Variants in WDTC1 observed in about 807,000 individuals in gnomAD.
WDTC1 encodes WD and tetratricopeptide repeats protein 1.
In WDTC1, 12 loss-of-function variants were observed where a neutral mutation model predicts 76.0. The ratio of observed to expected loss-of-function variants is 0.16; its 90% CI spans 0.10 to 0.26. The LOEUF (loss-of-function observed/expected upper bound fraction) is 0.26. Among genes scored for constraint, WDTC1 ranks in the 10% least tolerant of loss-of-function variants. WDTC1 has a pLI of 1.00. For missense variants in WDTC1, 511 were observed against 908.8 expected (o/e 0.56, Z 5.63); for synonymous variants, 326 against 350.8 (o/e 0.93, Z 0.79).
intron 1 of WDTC1, among the ~76,000 whole-genome samples, chr1:27,244,483 A>T (rs998328875): frequency 6.6e-6 from 1 of 152,136 alleles, no homozygotes; most frequent in Non-Finnish European, 1.5e-5. Context: ...CTAGGACTAC[A>T]GGAGTGTGCC....
intron 6 of WDTC1, among the ~76,000 whole-genome samples, chr1:27,289,073 G>T (rs2147972277): frequency 6.8e-6 from 1 of 146,686 alleles, no homozygotes; most frequent in South Asian, 2.1e-4. Context: ...GGCTGGCCGG[G>T]CAGGGGGCTG....
intron 6 of WDTC1, among the ~76,000 whole-genome samples, chr1:27,289,133 C>T (rs2013443472): frequency 6.7e-6 from 1 of 148,672 alleles, no homozygotes; most frequent in African/African-American, 2.5e-5. Context: ...CAGAGGGGCT[C>T]CTCACTTCCC....
Position 27,287,572 on chromosome 1 carries a change from T to C in WDTC1, c.292-102T>C. 3 of 1,324,214 alleles carry C rather than the reference T, an allele frequency of 2.3e-6. No individual in the cohort carries two copies. The South Asian group carries it at 4.3e-5, about 19-fold the overall frequency. 82.0% of individuals were successfully genotyped at this position (1,324,214 alleles called of 1,614,324 possible). A position where few individuals can be genotyped will look rare whatever the true frequency, so the allele number is the denominator to read the frequency against. ...CAGCCTGCATGGGCTCATTCTCTTATCTGACATGGAGAGAGAAAAGGGTGC... is the reference window on the plus strand; with the variant it reads ...CAGCCTGCATGGGCTCATTCTCTTACCTGACATGGAGAGAGAAAAGGGTGC... On this transcript the variant is annotated intron_variant, in intron 5 of 15. Coordinates refer to ENST00000319394, the MANE Select transcript of WDTC1 (RefSeq NM_001276252.2).
At position 27,234,862 on chromosome 1, in the gene WDTC1, C is replaced by T. The variant is rs1255455137; in HGVS notation, c.-189C>T. 1.8e-5 allele frequency: 7 copies of T among 396,464 alleles called. No homozygotes were observed. The East Asian group carries it at 2.5e-4, about 14-fold the overall frequency. The allele number at this position is 396,464 out of a possible 1,614,324, so 24.6% of individuals were successfully genotyped here. ...CCCAGCCCCCTCCCCGGGATCCGCG[C>T]CCCCCTTCCCGGGAGAGGGGCCGCC... On this transcript the variant is annotated 5_prime_UTR_variant, in exon 1 of 16. Coordinates refer to ENST00000319394, the MANE Select transcript of WDTC1 (RefSeq NM_001276252.2).
chr1:27,271,192 C>T (rs1434516382), intron 3 of WDTC1, among the ~76,000 whole-genome samples: 1 of 151,910 alleles, frequency 6.6e-6, no homozygotes, highest in Non-Finnish European at 1.5e-5. Flanking sequence ...TTCTGTGGAC[C>T]TTTTTGTAGT....
rs746459519 is a variant in WDTC1 at position 27,298,153 on chromosome 1, A to G, written c.1232+42A>G. On this transcript the variant is annotated intron_variant, in intron 12 of 15. Transcript: ENST00000319394. The stretch of plus-strand genomic sequence containing the variant: ...GAGGGGATCTGGGTCAGGATGAGGG[A>G]GAAAGCAGCTGGACCAAAAGGCAGG... 7 of 1,519,496 alleles carry G rather than the reference A, an allele frequency of 4.6e-6. No individual in the cohort carries two copies. The South Asian group carries it at 6.3e-5, about 14-fold the overall frequency. The allele number at this position is 1,519,496 out of a possible 1,614,324, so 94.1% of individuals were successfully genotyped here.
intron 1 of WDTC1, among the ~76,000 whole-genome samples, chr1:27,259,858 A>C (rs1173329837): frequency 7.4e-6 from 1 of 135,666 alleles, no homozygotes; most frequent in Non-Finnish European, 1.6e-5. Flanking sequence ...CCATCTCTAC[A>C]AAAAAAAAAA....
Position 27,292,096 on chromosome 1 carries a change from AT to A in WDTC1, c.480-116del, listed in dbSNP as rs1242270422. Reference sequence around the variant, plus strand: ...AATGGGAGTTGTTTTTGACATTCTTATTTAGAAACAGGTCCAAAGTCCCTCC... The same window carrying A: ...AATGGGAGTTGTTTTTGACATTCTTATTAGAAACAGGTCCAAAGTCCCTCC... On this transcript the variant is annotated intron_variant, in intron 6 of 15. Transcript: ENST00000319394. 6 of 1,093,448 alleles carry A rather than the reference AT, an allele frequency of 5.5e-6. No homozygotes were observed. In the East Asian group the frequency reaches 1.6e-4, roughly 30 times the overall value. The allele number at this position is 1,093,448 out of a possible 1,614,324, so 67.7% of individuals were successfully genotyped here.
intron 3 of WDTC1, among the ~76,000 whole-genome samples, chr1:27,267,092 G>A (rs1250647567): frequency 6.6e-6 from 1 of 152,088 alleles, no homozygotes; most frequent in African/African-American, 2.4e-5. Context: ...AATCTGGTCT[G>A]ATTTTTACTT....
At chr1:27,272,052 C>T in intron 3 of WDTC1, among the ~76,000 whole-genome samples, 1 of 150,764 alleles carries the variant, frequency 6.6e-6, no homozygotes. Flanking sequence ...TCGAGACCAG[C>T]CTGGCCAACA....
intron 1 of WDTC1, among the ~76,000 whole-genome samples, chr1:27,260,385 G>A (rs2012439563): frequency 6.6e-6 from 1 of 152,222 alleles, no homozygotes; most frequent in Non-Finnish European, 1.5e-5. Context: ...GATTACAGGT[G>A]TGAGCCACCG....
Position 27,306,129 on chromosome 1 carries a change from A to G in WDTC1, c.1837-57A>G. ...TTCCCTCCCCCTCCCCTATACGTGT[A>G]CCCTGGTGCCTCTCCCTCCCTGAGC... is the stretch of plus-strand genomic sequence containing the variant. On this transcript the variant is annotated intron_variant, in intron 15 of 15. Coordinates refer to ENST00000319394, the MANE Select transcript of WDTC1 (RefSeq NM_001276252.2). The surrounding 1 kb of genome is among the most constrained non-coding windows in gnomAD (Gnocchi z 5.0). The G allele has an allele frequency of 1.3e-6, 2 of 1,599,214 alleles. No individual in the cohort carries two copies. Among genetic ancestry groups the G allele is most frequent in the South Asian group, 1.1e-5 (1 of 90,610 alleles).
chr1:27,302,585 A>C (rs1157730924), intron 13 of WDTC1, among the ~76,000 whole-genome samples: 2 of 152,008 alleles, frequency 1.3e-5, no homozygotes, highest in Non-Finnish European at 2.9e-5. Context: ...AGAAAAATTA[A>C]AAAAAATTAG....
chr1:27,284,421 CAA>C (rs1264450845), intron 5 of WDTC1, among the ~76,000 whole-genome samples: 9 of 152,136 alleles, frequency 5.9e-5, no homozygotes, highest in Admixed American at 3.9e-4. Flanking sequence ...TAATTAATAT[CAA>C]GAGGAATTAC....
chr1:27,241,355 C>A (rs775681591), intron 1 of WDTC1, among the ~76,000 whole-genome samples: 1 of 152,080 alleles, frequency 6.6e-6, no homozygotes, highest in Non-Finnish European at 1.5e-5. Flanking sequence ...TGTCCTTATT[C>A]ATGACCCCCC....
chr1:27,292,941 G>A lies in WDTC1; in HGVS notation c.662+544G>A, dbSNP rs559077995. ...TAATTTTTGTATTATTAGTAGAGACGGGGTTTCACCATGTTGACCAGGCTA... is the reference window on the plus strand; with the variant it reads ...TAATTTTTGTATTATTAGTAGAGACAGGGTTTCACCATGTTGACCAGGCTA... On this transcript the variant is annotated intron_variant, in intron 7 of 15. Coordinates refer to ENST00000319394, the MANE Select transcript of WDTC1 (RefSeq NM_001276252.2). Among the ~76,000 whole-genome samples the A allele has an allele frequency of 2.1e-4, 31 of 148,716 alleles. No individual in the cohort carries two copies. In the East Asian group the frequency reaches 4.1e-3, roughly 20 times the overall value.
At position 27,303,545 on chromosome 1, in the gene WDTC1, A is replaced by C; in HGVS notation, c.1469-76A>C. 2 of 1,496,374 alleles carry C rather than the reference A, an allele frequency of 1.3e-6. No individual in the cohort carries two copies. The highest frequency in any genetic ancestry group is 1.8e-6 in the Non-Finnish European group (2 of 1,126,948). The allele number at this position is 1,496,374 out of a possible 1,614,324, so 92.7% of individuals were successfully genotyped here. ...TGTTGTCAGACTTTGGACTGAAAAC[A>C]GAGCCATAGGTGGGGGAAAATAGGG... On this transcript the variant is annotated intron_variant, in intron 13 of 15. Transcript: ENST00000319394. The surrounding 1 kb of genome is among the most constrained non-coding windows in gnomAD (Gnocchi z 4.8).
chr1:27,301,597 C>A lies in WDTC1; in HGVS notation c.1468+136C>A. ...ATTCAGAAACCATGCAACTTTGGGG[C>A]AGTTACTTGGTGTCTCTCTCAGAGT... On this transcript the variant is annotated intron_variant, in intron 13 of 15. Coordinates refer to ENST00000319394, the MANE Select transcript of WDTC1 (RefSeq NM_001276252.2). This position sits in a 1 kb window ranked among gnomAD's most constrained non-coding sequence, Gnocchi z 5.8. The A allele has an allele frequency of 2.0e-6, 2 of 992,250 alleles. No individual in the cohort carries two copies. Among genetic ancestry groups the A allele is most frequent in the Non-Finnish European group, 1.5e-6 (1 of 676,084 alleles). The allele number at this position is 992,250 out of a possible 1,614,324, so 61.5% of individuals were successfully genotyped here.
At chr1:27,249,815 G>A (rs972720712) in intron 1 of WDTC1, among the ~76,000 whole-genome samples, 1 of 152,156 alleles carries the variant, frequency 6.6e-6, no homozygotes, top group African/African-American at 2.4e-5. Flanking sequence ...GGCCTCAAGT[G>A]ATTCTCCCTC....
Sources: gnomAD v4.1 joint callset for allele counts (sites outside exome capture counted in the v4.1 genomes callset) on GRCh38, gnomAD v4.1.1 for gene constraint, Gnocchi (gnomAD v3.1) non-coding constraint, MANE v1.5 for transcripts, NCBI Gene and HGNC (gene_info 2026-07-23, HGNC 2026-07-21) for gene names.